MAN2B1: variants seen among roughly 807,000 people sequenced by gnomAD.
MAN2B1 encodes mannosidase alpha class 2B member 1, also known as lysosomal alpha-mannosidase.
Under a neutral mutation model 127.5 loss-of-function variants are expected in MAN2B1, and 99 were observed. The ratio of observed to expected loss-of-function variants is 0.78; its 90% CI spans 0.66 to 0.92. The LOEUF (loss-of-function observed/expected upper bound fraction) is 0.92. Ranked by LOEUF, MAN2B1 falls within the 40% of genes least tolerant of loss-of-function variation. MAN2B1 has a pLI of 0.00. For missense variants in MAN2B1, 1,304 were observed against 1,384.8 expected (o/e 0.94, Z 0.93); for synonymous variants, 573 against 568.8 (o/e 1.01, Z -0.11).
chr19:12,661,163 G>C (rs2024093108), intron 7 of MAN2B1, 97 bp downstream of exon 7: 1 of 851,400 alleles, frequency 1.2e-6, no homozygotes, highest in Non-Finnish European at 2.0e-6. Context: ...TAGAACAATA[G>C]AAAACAAAGA....
chr19:12,662,017 G>T (rs10421764), intron 6 of MAN2B1, among the ~76,000 whole-genome samples: 1 of 152,070 alleles, frequency 6.6e-6, no homozygotes, highest in South Asian at 2.1e-4. Context: ...ACTAATTTTT[G>T]TATTTTTAGT....
chr19:12,664,224 AAAAAAC>A (rs1180886190), intron 4 of MAN2B1, among the ~76,000 whole-genome samples: 1 of 152,164 alleles, frequency 6.6e-6, no homozygotes, highest in Non-Finnish European at 1.5e-5. Context: ...ACCCTGTCTC[AAAAAAC>A]AAAAACAAAA....
rs1443493290 is a variant in MAN2B1 at position 12,663,847 on chromosome 19, G to A, written c.631-12C>T. ...CCGTCGAAGCCCATCTGGGGATGAGGGAGGAAAAGGCAGTGTGAATTAGTG... is the reference window on the plus strand; with the variant it reads ...CCGTCGAAGCCCATCTGGGGATGAGAGAGGAAAAGGCAGTGTGAATTAGTG... On this transcript the variant is annotated splice_polypyrimidine_tract_variant and intron_variant, in intron 4 of 23. Transcript: ENST00000456935. The A allele has an allele frequency of 1.2e-6, 2 of 1,613,992 alleles. No homozygotes were observed. Among genetic ancestry groups the A allele is most frequent in the African/African-American group, 2.7e-5 (2 of 74,916 alleles).
intron 14 of MAN2B1, among the ~76,000 whole-genome samples, chr19:12,654,200 G>A (rs1472549603): frequency 1.3e-5 from 2 of 151,784 alleles, no homozygotes; most frequent in South Asian, 2.1e-4. Flanking sequence ...TCGCCACCAC[G>A]CCTGGCTAAA....
At chr19:12,666,467 A>T in intron 1 of MAN2B1, 76 bp downstream of exon 1, 2 of 1,511,288 alleles carry the variant, frequency 1.3e-6, no homozygotes, top group Non-Finnish European at 9.0e-7. Flanking sequence ...CACAGGACAG[A>T]CCCACCCACA....
At position 12,647,631 on chromosome 19, in the gene MAN2B1, GGGGCGGGGCCTGGATGGAGAA is replaced by G. The variant is rs1347578100; in HGVS notation, c.2665-54_2665-34del. The G allele has an allele frequency of 4.4e-6, 7 of 1,595,934 alleles. No individual in the cohort carries two copies. The African/African-American group carries it at 6.7e-5, about 15-fold the overall frequency. ...AGAGAGGGCGGGGCTGAGTTGGAGA[GGGGCGGGGCCTGGATGGAGAA>G]GGGCGGGGCCGAGCCAGGTCAGGAG... On this transcript the variant is annotated intron_variant, in intron 21 of 23. Coordinates refer to ENST00000456935, the MANE Select transcript of MAN2B1 (RefSeq NM_000528.4). This position sits in a 1 kb window ranked among gnomAD's most constrained non-coding sequence, Gnocchi z 4.9.
intron 13 of MAN2B1, 163 bp from the exon 14 acceptor site, chr19:12,656,042 G>C: frequency 1.7e-6 from 1 of 600,088 alleles, no homozygotes; most frequent in East Asian, 3.0e-5. Context: ...TGATTGCAGA[G>C]AAGATTCACC....
intron 1 of MAN2B1, 69 bp downstream of exon 1, chr19:12,666,474 C>T: frequency 6.5e-7 from 1 of 1,533,118 alleles, no homozygotes; most frequent in South Asian, 1.2e-5. Flanking sequence ...CAGACCCACC[C>T]ACACCTCTAG....
At position 12,665,415 on chromosome 19, in the gene MAN2B1, A is replaced by G. The variant is rs1432012301; in HGVS notation, c.373T>C (p.Ser125Pro). Residue 125 changes from serine to proline, a missense_variant, in exon 3 of 24, where the codon TCC (serine) becomes CCC (proline). Transcript: ENST00000456935. ...TTTGTCTGCTGGTGCCACCAACGGGAGAAGAAGGCAATCTCCACGTAAATG... is the reference window on the plus strand; with the variant it reads ...TTTGTCTGCTGGTGCCACCAACGGGGGAAGAAGGCAATCTCCACGTAAATG... Reference protein sequence around the residue: ...RFIYVEIAFFSRWWHQQTNAT... With the variant: ...RFIYVEIAFFPRWWHQQTNAT... The G allele has an allele frequency of 6.2e-7, 1 of 1,613,214 alleles. No homozygotes were observed. Among genetic ancestry groups the G allele is most frequent in the Non-Finnish European group, 8.5e-7 (1 of 1,180,022 alleles).
At chr19:12,656,808 C>T (rs1009635664) in intron 12 of MAN2B1, 121 bp from the exon 13 acceptor site, 34 of 1,033,168 alleles carry the variant, frequency 3.3e-5, no homozygotes, top group African/African-American at 9.4e-5. Context: ...GGCCAAGCCC[C>T]CTCGAGATGC....
At chr19:12,657,300 C>T (rs2023988704) in intron 11 of MAN2B1, 146 bp downstream of exon 11, 3 of 768,464 alleles carry the variant, frequency 3.9e-6, no homozygotes, top group Non-Finnish European at 6.6e-6. Flanking sequence ...TCCCCGCCTC[C>T]TACAAGCCCC....
At chr19:12,657,373 T>A (rs2023992002) in intron 11 of MAN2B1, 73 bp downstream of exon 11, 2 of 1,339,754 alleles carry the variant, frequency 1.5e-6, no homozygotes, top group Middle Eastern at 2.5e-4. Flanking sequence ...CCTGTCTCTG[T>A]CCCCTTTCCC....
In MAN2B1 at chr19:12,647,698, C is replaced by G; in HGVS notation, c.2665-100G>C. ...AGGAGGCAGGGCTAGGTTGTAGGGG[C>G]GGGGTTTCGCCGGAGAGGGGCAAGG... On this transcript the variant is annotated intron_variant, in intron 21 of 23. Coordinates refer to ENST00000456935, the MANE Select transcript of MAN2B1 (RefSeq NM_000528.4). The surrounding 1 kb of genome is among the most constrained non-coding windows in gnomAD (Gnocchi z 4.9). 1.0e-6 allele frequency: 1 copy of G among 979,708 alleles called. No homozygotes were observed. Among genetic ancestry groups the G allele is most frequent in the Non-Finnish European group, 1.5e-6 (1 of 669,040 alleles). The allele number at this position is 979,708 out of a possible 1,614,324, so 60.7% of individuals were successfully genotyped here.
intron 13 of MAN2B1, 149 bp downstream of exon 13, chr19:12,656,420 TTA>T: frequency 1.5e-6 from 1 of 659,522 alleles, no homozygotes; most frequent in South Asian, 1.7e-5. Flanking sequence ...GAGACTGATA[TTA>T]AGGGGCAGAG....
At chr19:12,650,374 T>C in intron 16 of MAN2B1, 152 bp from the exon 17 acceptor site, 1 of 637,412 alleles carries the variant, frequency 1.6e-6, no homozygotes, top group Non-Finnish European at 2.9e-6. Context: ...TTTTTTTTTT[T>C]TTGAGACGGA....
At position 12,656,639 on chromosome 19, in the gene MAN2B1, C is replaced by G; in HGVS notation, c.1576G>C (p.Val526Leu). 6.2e-7 allele frequency: 1 copy of G among 1,614,040 alleles called. No homozygotes were observed. The highest frequency in any genetic ancestry group is 1.3e-5 in the African/African-American group (1 of 75,000). Reference sequence around the variant, plus strand: ...ACGCCTTCGCTGACCGGCAGCCGTACCATCCAATTCACCTTCCGCCCCAGG... The same window carrying G: ...ACGCCTTCGCTGACCGGCAGCCGTAGCATCCAATTCACCTTCCGCCCCAGG... The part of the protein sequence containing the change: ...NPLGRKVNWM[V>L]RLPVSEGVFV... Residue 526 changes from valine (V) to leucine (L), a missense_variant, in exon 13 of 24, where the codon GTA (valine) becomes CTA (leucine). Coordinates refer to ENST00000456935, the MANE Select transcript of MAN2B1 (RefSeq NM_000528.4).
At chr19:12,664,472 C>T (rs2024179589) in intron 4 of MAN2B1, among the ~76,000 whole-genome samples, 1 of 152,186 alleles carries the variant, frequency 6.6e-6, no homozygotes, top group South Asian at 2.1e-4. Context: ...GTTTTTAAGG[C>T]AGCCTAGGCA....
chr19:12,649,259 C>A, intron 19 of MAN2B1, 43 bp from the exon 20 acceptor site: 8 of 1,606,278 alleles, frequency 5.0e-6, no homozygotes, highest in Non-Finnish European at 6.8e-6. Flanking sequence ...CAACCCCAAC[C>A]CCAGGCAGCT....
intron 6 of MAN2B1, among the ~76,000 whole-genome samples, chr19:12,662,882 G>A (rs2024139537): frequency 6.6e-6 from 1 of 150,666 alleles, no homozygotes; most frequent in Admixed American, 6.6e-5. Flanking sequence ...AGGTTGCAGT[G>A]AGCTGAGATC....
Sources: allele counts gnomAD v4.1 joint callset (sites outside exome capture counted in the v4.1 genomes callset), GRCh38; gene constraint gnomAD v4.1.1; non-coding constraint Gnocchi (gnomAD v3.1); transcripts MANE v1.5; gene names NCBI Gene and HGNC (gene_info 2026-07-23, HGNC 2026-07-21).